SLIT3: variants seen among roughly 807,000 people sequenced by gnomAD.
SLIT3 encodes the protein slit guidance ligand 3, also known as slit homolog 3 protein.
A neutral mutation model predicts 184.0 loss-of-function variants in SLIT3; 68 were observed. The ratio of observed to expected loss-of-function variants is 0.37; its 90% CI spans 0.30 to 0.45. The LOEUF (loss-of-function observed/expected upper bound fraction) is 0.45. Ranked by LOEUF, SLIT3 falls within the 20% of genes least tolerant of loss-of-function variation. The pLI is 1.00. For synonymous variants in SLIT3, 831 were observed against 828.6 expected, an observed-to-expected ratio of 1.00 and a Z score of -0.05; for missense variants, 1,707 against 2,026.0, an observed-to-expected ratio of 0.84 and a Z score of 3.02.
At chr5:168,702,917 C>G (rs1330361997) in intron 26 of SLIT3, among the ~76,000 whole-genome samples, 1 of 152,142 alleles carries the variant, frequency 6.6e-6, no homozygotes, top group Non-Finnish European at 1.5e-5. Flanking sequence ...CTCTGGGGAA[C>G]TGGTAAGTAC....
chr5:168,835,229 T>C (rs1758010813), intron 6 of SLIT3, among the ~76,000 whole-genome samples: 1 of 151,994 alleles, frequency 6.6e-6, no homozygotes, highest in Admixed American at 6.6e-5. Flanking sequence ...ATTACTTGAG[T>C]TTTAAATGTT....
At chr5:168,976,126 C>T (rs1290906918) in intron 4 of SLIT3, among the ~76,000 whole-genome samples, 1 of 152,142 alleles carries the variant, frequency 6.6e-6, no homozygotes, top group African/African-American at 2.4e-5. Flanking sequence ...TCTCACTCAG[C>T]CCTCAAGCAC....
intron 1 of SLIT3, among the ~76,000 whole-genome samples, chr5:169,293,616 C>T (rs1248571532): frequency 1.3e-5 from 2 of 152,116 alleles, no homozygotes; most frequent in Non-Finnish European, 2.9e-5. Flanking sequence ...TATTATTATT[C>T]CCATTTTGCA....
At chr5:169,097,898 A>G (rs879294141) in intron 4 of SLIT3, among the ~76,000 whole-genome samples, 5 of 152,200 alleles carry the variant, frequency 3.3e-5, no homozygotes, top group African/African-American at 4.8e-5. Context: ...AAAAGCTGAG[A>G]CCTGCCAAGG....
At chr5:169,293,865 C>T (rs1253286030) in intron 1 of SLIT3, among the ~76,000 whole-genome samples, 5 of 152,252 alleles carry the variant, frequency 3.3e-5, no homozygotes, top group Non-Finnish European at 7.3e-5. Context: ...GACAGGCCAG[C>T]AGTCACAGTA....
intron 4 of SLIT3, among the ~76,000 whole-genome samples, chr5:168,998,581 G>A (rs986964670): frequency 6.6e-6 from 1 of 152,074 alleles, no homozygotes; most frequent in Non-Finnish European, 1.5e-5. Flanking sequence ...GCGCATACCT[G>A]TAATCCCAGC....
At chr5:168,771,972 A>C (rs1487783306) in intron 14 of SLIT3, among the ~76,000 whole-genome samples, 1 of 150,460 alleles carries the variant, frequency 6.6e-6, no homozygotes, top group African/African-American at 2.5e-5. Context: ...TTGGGGGCAC[A>C]ATGCAGTTTG....
intron 18 of SLIT3, chr5:168,752,262 C>G (rs373627316): frequency 1.3e-5 from 2 of 152,592 alleles, no homozygotes; most frequent in African/African-American, 2.4e-5. Context: ...TGCTCTGTTG[C>G]GACCAACCAC....
chr5:168,981,719 A>C (rs949685842), intron 4 of SLIT3, among the ~76,000 whole-genome samples: 1 of 152,222 alleles, frequency 6.6e-6, no homozygotes, highest in Admixed American at 6.5e-5. Context: ...GAATTCTAAA[A>C]TACAGCATCT....
chr5:169,219,150 A>G (rs771358960), intron 3 of SLIT3, among the ~76,000 whole-genome samples: 8 of 152,194 alleles, frequency 5.3e-5, no homozygotes, highest in Non-Finnish European at 1.0e-4. Context: ...CACATGAAGC[A>G]GCTCCAGCCC....
At chr5:168,908,074 A>G (rs1761138842) in intron 4 of SLIT3, among the ~76,000 whole-genome samples, 1 of 150,500 alleles carries the variant, frequency 6.6e-6, no homozygotes, top group Non-Finnish European at 1.5e-5. Flanking sequence ...TACACAGGAG[A>G]GGCAAGGAGA....
In SLIT3 at chr5:169,226,230, G is replaced by A. The variant is rs1281703639; in HGVS notation, c.341+18475C>T. Among the ~76,000 whole-genome samples the A allele has an allele frequency of 2.6e-5, 4 of 152,130 alleles. 1 individual carries two copies. The highest frequency in any genetic ancestry group is 2.6e-4 in the Admixed American group (4 of 15,276). On this transcript the variant is annotated intron_variant, in intron 3 of 35. Coordinates refer to ENST00000519560, the MANE Select transcript of SLIT3 (RefSeq NM_003062.4). The stretch of plus-strand genomic sequence containing the variant: ...GCCGGAGAGAAACCAGAGCTCTCAG[G>A]AAACTGGGGAGAGGAGTAGGGGGGC...
At chr5:168,852,278 G>GT in intron 5 of SLIT3, among the ~76,000 whole-genome samples, 3 of 152,266 alleles carry the variant, frequency 2.0e-5, no homozygotes, top group Middle Eastern at 6.8e-3. Context: ...CCACATCTCT[G>GT]TTTTTTTACT....
rs1453192938 is a variant in SLIT3 at position 168,662,205 on chromosome 5, T to C, written c.*4249A>G. ...CTTTGGTCTATGATCACCGCATTCT[T>C]CCATTTGTTCGACCCTCAGTTTTCC... is the stretch of plus-strand genomic sequence containing the variant. On this transcript the variant is annotated 3_prime_UTR_variant, in exon 36 of 36. Coordinates refer to ENST00000519560, the MANE Select transcript of SLIT3 (RefSeq NM_003062.4). 6.6e-6 allele frequency: 1 copy of C among 152,246 alleles called. No individual in the cohort carries two copies. The highest frequency in any genetic ancestry group is 2.4e-5 in the African/African-American group (1 of 41,472). The allele number at this position is 152,246 out of a possible 1,614,324, so 9.4% of individuals were successfully genotyped here.
chr5:169,265,064 A>G (rs1361854203), intron 1 of SLIT3, among the ~76,000 whole-genome samples: 1 of 152,206 alleles, frequency 6.6e-6, no homozygotes, highest in African/African-American at 2.4e-5. Flanking sequence ...GGGCATGTAA[A>G]GAGGAGTATT....
chr5:168,823,932 C>T (rs936806186), intron 6 of SLIT3, among the ~76,000 whole-genome samples: 1 of 152,156 alleles, frequency 6.6e-6, no homozygotes, highest in Non-Finnish European at 1.5e-5. Flanking sequence ...TAGGCATCTT[C>T]TGACTCTTTC....
At chr5:168,926,950 G>T (rs1472482497) in intron 4 of SLIT3, among the ~76,000 whole-genome samples, 2 of 151,970 alleles carry the variant, frequency 1.3e-5, no homozygotes, top group African/African-American at 4.8e-5. Context: ...CAATTGCTTT[G>T]GAAAACAGAA....
At chr5:168,986,972 C>G (rs892114893) in intron 4 of SLIT3, among the ~76,000 whole-genome samples, 1 of 152,128 alleles carries the variant, frequency 6.6e-6, no homozygotes, top group Non-Finnish European at 1.5e-5. Flanking sequence ...CGCTTGAACC[C>G]GGGAGGCAGA....
Position 168,724,461 on chromosome 5 carries a change from G to A in SLIT3, c.2294C>T (p.Thr765Ile), listed in dbSNP as rs1361445454. The change falls in exon 21 of 36, where the codon ACA becomes ATA. Residue 765 changes from threonine (T) to isoleucine (I), a missense_variant. By Grantham distance (89) the Thr-to-Ile change is moderately conservative (BLOSUM62 -1). Coordinates refer to ENST00000519560, the MANE Select transcript of SLIT3 (RefSeq NM_003062.4). ...TELYLEGNHL[T>I]AVPRELSALR... is the part of the protein sequence containing the mutation. ...GGCGGACAGCTCTCTGGGCACGGCT[G>A]TTAGGTGGTTTCCTTCCAGGTACCT... 19 of 1,613,226 alleles carry A rather than the reference G, an allele frequency of 1.2e-5. No homozygotes were observed. The highest frequency in any genetic ancestry group is 2.2e-5 in the South Asian group (2 of 91,010).
Sources: allele counts gnomAD v4.1 joint callset (sites outside exome capture counted in the v4.1 genomes callset), GRCh38; gene constraint gnomAD v4.1.1; transcripts MANE v1.5; gene names NCBI Gene and HGNC (gene_info 2026-07-23, HGNC 2026-07-21).